Variants in CASZ1 observed in about 807,000 individuals in gnomAD.
The protein encoded by CASZ1 is castor zinc finger 1, also known as zinc finger protein castor homolog 1.
In CASZ1, 28 loss-of-function variants were observed where a neutral mutation model predicts 135.2. The ratio of observed to expected loss-of-function variants is 0.21; its 90% CI spans 0.15 to 0.28. The LOEUF (loss-of-function observed/expected upper bound fraction) is 0.28, where lower values mean the gene tolerates loss of function less well. Ranked by LOEUF, CASZ1 falls within the 10% of genes least tolerant of loss-of-function variation. The probability of loss-of-function intolerance (pLI) is 1.00; values close to 1 mark genes in which losing one functional copy is unlikely to be tolerated. For missense variants in CASZ1, 2,161 were observed against 2,453.3 expected (o/e 0.88, Z 2.52); for synonymous variants, 1,068 against 1,073.4 (o/e 0.99, Z 0.10).
chr1:10,743,968 G>A (rs866715243), intron 2 of CASZ1, among the ~76,000 whole-genome samples: 1 of 151,964 alleles, frequency 6.6e-6, no homozygotes, highest in African/African-American at 2.4e-5. Context: ...CGCCTCAGGG[G>A]ACACCCAACT....
rs205485 is a variant in CASZ1 at position 10,755,645 on chromosome 1, G to C, written c.-77+5056C>G. Among the ~76,000 whole-genome samples the C allele has an allele frequency of 6.6e-6, 1 of 152,034 alleles. No individual in the cohort carries two copies. Among genetic ancestry groups the C allele is most frequent in the Non-Finnish European group, 1.5e-5 (1 of 68,004 alleles). ...CCTGCATCTGCTCCGAAGGCAGGGGGTGTGGGGAGAACGGAGGAAGGAGGC... is the reference window on the plus strand; with the variant it reads ...CCTGCATCTGCTCCGAAGGCAGGGGCTGTGGGGAGAACGGAGGAAGGAGGC... On this transcript the variant is annotated intron_variant, in intron 2 of 20. Coordinates refer to ENST00000377022, the MANE Select transcript of CASZ1 (RefSeq NM_001079843.3). The surrounding 1 kb of genome is among the most constrained non-coding windows in gnomAD (Gnocchi z 4.3).
intron 2 of CASZ1, among the ~76,000 whole-genome samples, chr1:10,732,107 C>T (rs1027618358): frequency 6.6e-6 from 1 of 151,798 alleles, no homozygotes; most frequent in African/African-American, 2.4e-5. Flanking sequence ...GGAGGGTCAC[C>T]TGAAGTCAGG....
chr1:10,771,757 T>C (rs1053382080), intron 1 of CASZ1, among the ~76,000 whole-genome samples: 4 of 152,266 alleles, frequency 2.6e-5, no homozygotes, highest in Non-Finnish European at 4.4e-5. Flanking sequence ...ATTCCACTTC[T>C]TGATCTTTGC....
At chr1:10,715,212 C>G (rs1170000705) in intron 2 of CASZ1, among the ~76,000 whole-genome samples, 1 of 152,168 alleles carries the variant, frequency 6.6e-6, no homozygotes, top group Non-Finnish European at 1.5e-5. Context: ...GAGGGGTCGG[C>G]TTGTGGGCCT....
chr1:10,747,370 A>C lies in CASZ1; in HGVS notation c.-77+13331T>G, dbSNP rs911746825. ...TGGGCAGGGATTCTTACCAAGTGCT[A>C]AGTCTAGCACCTGCCAAACCGTGGC... On this transcript the variant is annotated intron_variant, in intron 2 of 20. Transcript: ENST00000377022. This position sits in a 1 kb window ranked among gnomAD's most constrained non-coding sequence, Gnocchi z 4.3. 2.9e-4 allele frequency among the ~76,000 whole-genome samples: 44 copies of C among 152,298 alleles called. No individual in the cohort carries two copies. The highest frequency in any genetic ancestry group is 1.6e-3 in the Admixed American group (25 of 15,306).
intron 2 of CASZ1, among the ~76,000 whole-genome samples, chr1:10,758,264 C>T (rs994563615): frequency 5.3e-5 from 8 of 150,620 alleles, no homozygotes; most frequent in Non-Finnish European, 7.4e-5. Context: ...AGAACAGGGG[C>T]GGTCTTGTCC....
At position 10,685,210 on chromosome 1, in the gene CASZ1, G is replaced by A. The variant is rs372553933; in HGVS notation, c.16+8664C>T. The stretch of plus-strand genomic sequence containing the variant: ...CACCACTGCGGCCGGGCCCTGCAGG[G>A]GAGAAGGGCGGCCCTGAAGCTGCAC... On this transcript the variant is annotated intron_variant, in intron 4 of 20. Transcript: ENST00000377022. 3.3e-5 allele frequency among the ~76,000 whole-genome samples: 5 copies of A among 152,376 alleles called. No individual in the cohort carries two copies. The South Asian group carries it at 1.0e-3, about 32-fold the overall frequency.
At chr1:10,705,610 C>T (rs1416811394) in intron 2 of CASZ1, 66 bp from the exon 3 acceptor site, 1 of 152,362 alleles carries the variant, frequency 6.6e-6, no homozygotes, top group Non-Finnish European at 1.5e-5. Context: ...TGCACGCCCT[C>T]CATCCCTCCT....
At chr1:10,768,363 A>C (rs1202104776) in intron 1 of CASZ1, among the ~76,000 whole-genome samples, 1 of 152,084 alleles carries the variant, frequency 6.6e-6, no homozygotes, top group Non-Finnish European at 1.5e-5. Context: ...GATTACAGGC[A>C]CGCACCACCA....
At position 10,657,438 on chromosome 1, in the gene CASZ1, T is replaced by G. The variant is rs1642842190; in HGVS notation, c.1410-702A>C. 6.6e-6 allele frequency among the ~76,000 whole-genome samples: 1 copy of G among 152,086 alleles called. No individual in the cohort carries two copies. The highest frequency in any genetic ancestry group is 1.5e-5 in the Non-Finnish European group (1 of 68,022). On this transcript the variant is annotated intron_variant, in intron 7 of 20. Transcript: ENST00000377022. The surrounding 1 kb of genome is among the most constrained non-coding windows in gnomAD (Gnocchi z 5.7). ...GTGTGACTCAGCCCGCCTGTACCCC[T>G]CCAAGACTGAAGTGAGATTGCAGGA...
At chr1:10,760,485 G>A (rs1016877252) in intron 2 of CASZ1, among the ~76,000 whole-genome samples, 1 of 152,224 alleles carries the variant, frequency 6.6e-6, no homozygotes, top group African/African-American at 2.4e-5. Context: ...ACAAGGCCAA[G>A]GCCCAAATGC....
chr1:10,640,119 G>T (rs561774145), intron 20 of CASZ1, 60 bp from the exon 21 acceptor site: 658 of 1,543,220 alleles, frequency 4.3e-4, no homozygotes, highest in Non-Finnish European at 5.5e-4. Context: ...CATCAACAGG[G>T]TTACACCCAC....
At chr1:10,737,803 G>A (rs974161635) in intron 2 of CASZ1, among the ~76,000 whole-genome samples, 1 of 152,218 alleles carries the variant, frequency 6.6e-6, no homozygotes, top group African/African-American at 2.4e-5. Context: ...TCGGAGGGCT[G>A]TGGATCAGCC....
Position 10,646,325 on chromosome 1 carries a change from C to T in CASZ1, c.3499G>A (p.Asp1167Asn), listed in dbSNP as rs762542986. The T allele has an allele frequency of 1.3e-5, 21 of 1,613,672 alleles. No homozygotes were observed. In the East Asian group the frequency reaches 1.6e-4, roughly 12 times the overall value. Residue 1167 changes from aspartate (D) to asparagine (N), a missense_variant and splice_region_variant, in exon 17 of 21, where the codon GAT becomes AAT. Transcript: ENST00000377022. The surrounding 1 kb of genome is among the most constrained non-coding windows in gnomAD (Gnocchi z 6.4). ...KPGFLQFQEN[D>N]PCLATDCKYA... ...TTGCAGTCCGTGGCGAGGCAAGGAT[C>T]GCTGGAAGGAAACCACAGCCCAGAA... is the stretch of plus-strand genomic sequence containing the variant.
Position 10,701,799 on chromosome 1 carries a change from G to A in CASZ1, c.-24+3693C>T, listed in dbSNP as rs557425783. On this transcript the variant is annotated intron_variant, in intron 3 of 20. Coordinates refer to ENST00000377022, the MANE Select transcript of CASZ1 (RefSeq NM_001079843.3). The surrounding 1 kb of genome is among the most constrained non-coding windows in gnomAD (Gnocchi z 6.3). ...GAGCCCCTAGGACCAGGCAGCTGACGGGGGGCTGGCTTTCCTGCCTCCTGC... is the reference window on the plus strand; with the variant it reads ...GAGCCCCTAGGACCAGGCAGCTGACAGGGGGCTGGCTTTCCTGCCTCCTGC... Among the ~76,000 whole-genome samples, 9 of 152,222 alleles carry A rather than the reference G, an allele frequency of 5.9e-5. No homozygotes were observed. The highest frequency in any genetic ancestry group is 2.1e-4 in the South Asian group (1 of 4,824).
intron 2 of CASZ1, among the ~76,000 whole-genome samples, chr1:10,731,011 C>T (rs745991460): frequency 2.6e-5 from 4 of 151,630 alleles, no homozygotes; most frequent in African/African-American, 9.7e-5. Context: ...GAGGCTGAGG[C>T]GGGAGAATCA....
intron 2 of CASZ1, among the ~76,000 whole-genome samples, chr1:10,743,280 G>A (rs961377181): frequency 6.6e-6 from 1 of 152,106 alleles, no homozygotes; most frequent in Non-Finnish European, 1.5e-5. Context: ...GAGGCCAAGG[G>A]AGACATTCAA....
rs559143232 is a variant in CASZ1 at position 10,693,718 on chromosome 1, G to C, written c.16+156C>G. ...AACAACAACAACAGCCTCAGAAGTC[G>C]CCGATCCCGAGGCCGGGACGCCGGG... On this transcript the variant is annotated intron_variant, in intron 4 of 20. Transcript: ENST00000377022. Among the ~76,000 whole-genome samples the C allele has an allele frequency of 9.9e-5, 15 of 152,188 alleles. No homozygotes were observed. In the East Asian group the frequency reaches 2.7e-3, roughly 28 times the overall value.
intron 4 of CASZ1, among the ~76,000 whole-genome samples, chr1:10,688,116 A>G (rs1195028739): frequency 6.6e-6 from 1 of 152,204 alleles, no homozygotes; most frequent in Non-Finnish European, 1.5e-5. Flanking sequence ...ACCAGCTACC[A>G]TCTAATGGTC....
Sources: gnomAD v4.1 joint callset for allele counts (sites outside exome capture counted in the v4.1 genomes callset) on GRCh38, gnomAD v4.1.1 for gene constraint, Gnocchi (gnomAD v3.1) non-coding constraint, MANE v1.5 for transcripts, NCBI Gene and HGNC (gene_info 2026-07-23, HGNC 2026-07-21) for gene names.